ASTN2: variants seen among roughly 807,000 people sequenced by gnomAD.
The protein encoded by ASTN2 is astrotactin 2.
A neutral mutation model predicts 139.8 loss-of-function variants in ASTN2; 54 were observed. The observed-to-expected ratio is 0.39, with a 90% CI of 0.31 to 0.48. The LOEUF (loss-of-function observed/expected upper bound fraction) is 0.48. ASTN2 is among the 20% of genes least tolerant of loss of function. ASTN2 has a pLI of 0.95. For synonymous variants in ASTN2, 756 were observed against 719.5 expected (o/e 1.05, Z -0.81); for missense variants, 1,565 against 1,725.1 (o/e 0.91, Z 1.64).
intron 16 of ASTN2, among the ~76,000 whole-genome samples, chr9:116,713,238 G>C (rs899125576): frequency 6.6e-6 from 1 of 152,164 alleles, no homozygotes; most frequent in African/African-American, 2.4e-5. Flanking sequence ...ATACCCCGGA[G>C]ACTTATTGAA....
At chr9:117,153,402 T>A (rs1257385386) in intron 3 of ASTN2, among the ~76,000 whole-genome samples, 2 of 152,162 alleles carry the variant, frequency 1.3e-5, no homozygotes, top group Non-Finnish European at 2.9e-5. Flanking sequence ...TCCTCAGAAC[T>A]AATCAATATT....
At chr9:116,580,405 C>T (rs1853901929) in intron 19 of ASTN2, among the ~76,000 whole-genome samples, 1 of 152,144 alleles carries the variant, frequency 6.6e-6, no homozygotes, top group Non-Finnish European at 1.5e-5. Flanking sequence ...ACATCAAGGA[C>T]CCATGGCCCT....
intron 4 of ASTN2, among the ~76,000 whole-genome samples, chr9:117,127,359 A>C (rs1348198396): frequency 6.6e-6 from 1 of 152,210 alleles, no homozygotes; most frequent in East Asian, 1.9e-4. Flanking sequence ...AGGCTGATAC[A>C]GATACAGGAA....
chr9:116,698,625 G>C lies in ASTN2; in HGVS notation c.2806+27146C>G. 6.2e-7 allele frequency: 1 copy of C among 1,614,146 alleles called. No individual in the cohort carries two copies. Among genetic ancestry groups the C allele is most frequent in the Non-Finnish European group, 8.5e-7 (1 of 1,180,038 alleles). On this transcript the variant is annotated intron_variant, in intron 16 of 22. Transcript: ENST00000313400. The surrounding 1 kb of genome is among the most constrained non-coding windows in gnomAD (Gnocchi z 4.4). ...TGGCCCCCTCCAAATTGGACAAGCTGTTAAGAAGCCCCGGACAGTTAACGT... is the reference window on the plus strand; with the variant it reads ...TGGCCCCCTCCAAATTGGACAAGCTCTTAAGAAGCCCCGGACAGTTAACGT...
chr9:116,611,868 A>T (rs1286533090), intron 19 of ASTN2: 1 of 152,208 alleles, frequency 6.6e-6, no homozygotes, highest in African/African-American at 2.4e-5. Context: ...ATTCTCTGAG[A>T]AGACAGATAC....
At chr9:116,455,671 A>G (rs1848310898) in intron 20 of ASTN2, among the ~76,000 whole-genome samples, 1 of 152,046 alleles carries the variant, frequency 6.6e-6, no homozygotes, top group Non-Finnish European at 1.5e-5. Flanking sequence ...AAGTACTACT[A>G]CTGGTAAACT....
chr9:116,995,581 T>C (rs1392457468), intron 7 of ASTN2, among the ~76,000 whole-genome samples: 1 of 152,164 alleles, frequency 6.6e-6, no homozygotes, highest in Non-Finnish European at 1.5e-5. Context: ...TAGCTAGCAA[T>C]TGAACAAAGA....
intron 8 of ASTN2, 52 bp from the exon 9 acceptor site, chr9:116,976,240 G>T: frequency 6.7e-7 from 1 of 1,490,642 alleles, no homozygotes; most frequent in African/African-American, 1.4e-5. Context: ...GAGGCAGGTA[G>T]AATTCACATG....
chr9:116,425,831 A>G lies in ASTN2; in HGVS notation c.*20T>C. The G allele has an allele frequency of 6.2e-7, 1 of 1,613,920 alleles. No individual in the cohort carries two copies. Among genetic ancestry groups the G allele is most frequent in the Non-Finnish European group, 8.5e-7 (1 of 1,179,964 alleles). On this transcript the variant is annotated 3_prime_UTR_variant, in exon 23 of 23. Transcript: ENST00000313400. Reference sequence around the variant, plus strand: ...CCTCCCATGGAGAGTCTCTGTGCTCACGGAGGGCAATACCCTCCCTCACCG... The same window carrying G: ...CCTCCCATGGAGAGTCTCTGTGCTCGCGGAGGGCAATACCCTCCCTCACCG...
intron 22 of ASTN2, among the ~76,000 whole-genome samples, chr9:116,432,092 C>T (rs1847516917): frequency 6.6e-6 from 1 of 152,112 alleles, no homozygotes; most frequent in Admixed American, 6.5e-5. Flanking sequence ...GGCATGAGAG[C>T]CTTGATTCAC....
At chr9:117,133,100 T>C (rs1323858275) in intron 4 of ASTN2, among the ~76,000 whole-genome samples, 1 of 152,230 alleles carries the variant, frequency 6.6e-6, no homozygotes, top group Non-Finnish European at 1.5e-5. Context: ...AAATTCTGAA[T>C]TGTTTAGTGT....
intron 19 of ASTN2, among the ~76,000 whole-genome samples, chr9:116,535,016 A>G (rs1478664232): frequency 4.6e-5 from 7 of 152,268 alleles, no homozygotes; most frequent in African/African-American, 1.4e-4. Context: ...GTAGGTCTCT[A>G]AGGACTTGCT....
chr9:116,433,964 T>C (rs1847571449), intron 22 of ASTN2, among the ~76,000 whole-genome samples: 1 of 152,164 alleles, frequency 6.6e-6, no homozygotes, highest in Non-Finnish European at 1.5e-5. Flanking sequence ...GCTATTTCAG[T>C]TGGAACTGAT....
chr9:116,425,498 G>C lies in ASTN2; in HGVS notation c.*353C>G. ...GGGTCCATGGCAGGAAGAAAGCAGA[G>C]TGTGGCAGGAAGAAGGAAGAAGAGC... is the stretch of plus-strand genomic sequence containing the variant. On this transcript the variant is annotated 3_prime_UTR_variant, in exon 23 of 23. Transcript: ENST00000313400. 6.8e-7 allele frequency: 1 copy of C among 1,466,322 alleles called. No homozygotes were observed. Among genetic ancestry groups the C allele is most frequent in the African/African-American group, 1.4e-5 (1 of 71,336 alleles). The allele number at this position is 1,466,322 out of a possible 1,614,324, so 90.8% of individuals were successfully genotyped here.
chr9:116,782,895 A>G (rs1830257803), intron 13 of ASTN2, among the ~76,000 whole-genome samples: 1 of 152,162 alleles, frequency 6.6e-6, no homozygotes, highest in Admixed American at 6.5e-5. Flanking sequence ...TGACTTTCAT[A>G]CCTAACACTG....
chr9:117,314,938 G>A (rs1828094998), intron 1 of ASTN2, among the ~76,000 whole-genome samples: 1 of 132,534 alleles, frequency 7.5e-6, no homozygotes, highest in Admixed American at 8.4e-5. Context: ...ATATTAATAT[G>A]TAATATAATA....
intron 3 of ASTN2, among the ~76,000 whole-genome samples, chr9:117,175,641 A>C (rs905739916): frequency 5.9e-5 from 9 of 152,200 alleles, no homozygotes; most frequent in East Asian, 5.8e-4. Flanking sequence ...TGGTGTCATA[A>C]ATCCATGGAG....
In ASTN2 at chr9:116,440,653, C is replaced by A. The variant is rs981701542; in HGVS notation, c.3738G>T (p.Lys1246Asn). The change falls in exon 22 of 23, where the codon AAG (lysine) becomes AAT (asparagine). Residue 1246 changes from lysine to asparagine, a missense_variant. Lys to Asn is a moderately conservative substitution (Grantham distance 94). Around this residue, in one of 4 missense-constraint regions of ASTN2, gnomAD observed 418 missense variants for 465.8 expected, o/e 0.90. Transcript: ENST00000313400. ...CACTTCTCCAGACGAAGTCGCCAAA[C>A]TTTTCATAGTGAGAGTTGTAGTGGT... is the stretch of plus-strand genomic sequence containing the variant. ...VQHHYNSHYE[K>N]FGDFVWRSED... The A allele has an allele frequency of 1.2e-6, 2 of 1,614,144 alleles. No individual in the cohort carries two copies. The highest frequency in any genetic ancestry group is 1.7e-6 in the Non-Finnish European group (2 of 1,180,052).
chr9:117,209,051 AG>A (rs1352299505), intron 3 of ASTN2, among the ~76,000 whole-genome samples: 4 of 152,188 alleles, frequency 2.6e-5, no homozygotes, highest in African/African-American at 9.6e-5. Flanking sequence ...TCACTGGTAG[AG>A]CCAATATATT....
Sources: allele counts gnomAD v4.1 joint callset (sites outside exome capture counted in the v4.1 genomes callset), GRCh38; gene constraint gnomAD v4.1.1; regional missense constraint gnomAD v4.1.1; non-coding constraint Gnocchi (gnomAD v3.1); transcripts MANE v1.5; gene names NCBI Gene and HGNC (gene_info 2026-07-23, HGNC 2026-07-21).